The following GLRA2 variants were observed in gnomAD, a reference collection of about 807,000 sequenced individuals.
The protein encoded by GLRA2 is glycine receptor alpha 2.
Under a neutral mutation model 31.6 loss-of-function variants are expected in GLRA2, and 11 were observed. That is an observed-to-expected ratio of 0.35 (90% CI 0.22 to 0.58). The LOEUF is 0.58. Ranked by LOEUF, GLRA2 falls within the 20% of genes least tolerant of loss-of-function variation. The probability of loss-of-function intolerance (pLI) is 0.84; values close to 1 mark genes in which losing one functional copy is unlikely to be tolerated. For synonymous variants in GLRA2, 132 were observed against 134.0 expected (o/e 0.99, Z 0.10); for missense variants, 212 against 351.8 (o/e 0.60, Z 3.18).
chrX:14,567,914 A>G (rs193062797), intron 2 of GLRA2, among the ~76,000 whole-genome samples: 221 of 112,538 alleles, frequency 2.0e-3, no homozygotes, highest in Non-Finnish European at 3.5e-3. Flanking sequence ...AAATAAGTTA[A>G]CCAAACATGT....
the GLRA2 span, among the ~76,000 whole-genome samples, chrX:14,464,620 G>A: frequency 5.4e-5 from 6 of 111,662 alleles, no homozygotes; most frequent in East Asian, 2.8e-4. Flanking sequence ...GCAGTGGTGC[G>A]ATCTCGGCTC....
At chrX:14,632,533 TAATA>T in intron 7 of GLRA2, among the ~76,000 whole-genome samples, 1 of 111,852 alleles carries the variant, frequency 8.9e-6, no homozygotes, top group East Asian at 2.8e-4. Context: ...GTATGTACAG[TAATA>T]AATATTAATA....
intron 7 of GLRA2, among the ~76,000 whole-genome samples, chrX:14,669,974 G>T (rs1423547229): frequency 8.9e-6 from 1 of 112,262 alleles, no homozygotes; most frequent in African/African-American, 3.2e-5. Flanking sequence ...CTTTTATGCT[G>T]TTTCCCTTTT....
the GLRA2 span, among the ~76,000 whole-genome samples, chrX:14,465,987 A>G: frequency 7.1e-4 from 80 of 112,154 alleles, no homozygotes; most frequent in Admixed American, 2.0e-3. Flanking sequence ...AAATGGGCTT[A>G]CGTACTTGTT....
chrX:14,720,088 G>A (rs1259758312), intron 8 of GLRA2, among the ~76,000 whole-genome samples: 2 of 111,381 alleles, frequency 1.8e-5, no homozygotes, highest in Admixed American at 9.6e-5. Context: ...AGATACAGAA[G>A]TACAGCTACA....
chrX:14,613,177 C>T (rs900443918), intron 7 of GLRA2, among the ~76,000 whole-genome samples: 1 of 111,333 alleles, frequency 9.0e-6, no homozygotes, highest in Non-Finnish European at 1.9e-5. Flanking sequence ...TCTACATCGT[C>T]GGTATTCATC....
the GLRA2 span, among the ~76,000 whole-genome samples, chrX:14,474,279 A>G: frequency 9.0e-6 from 1 of 111,511 alleles, no homozygotes; most frequent in African/African-American, 3.3e-5. Flanking sequence ...CACTCTACCC[A>G]GCAGAGATTT....
At chrX:14,657,770 A>G (rs749488223) in intron 7 of GLRA2, among the ~76,000 whole-genome samples, 2 of 112,266 alleles carry the variant, frequency 1.8e-5, no homozygotes, top group East Asian at 5.6e-4. Flanking sequence ...CAAAGGAACA[A>G]TGCTTGATGA....
the GLRA2 span, among the ~76,000 whole-genome samples, chrX:14,507,111 T>G: frequency 8.9e-6 from 1 of 111,950 alleles, no homozygotes; most frequent in East Asian, 2.8e-4. Context: ...CCAACTAGAT[T>G]TTCCTGGTCT....
At chrX:14,510,585 A>G in the GLRA2 span, among the ~76,000 whole-genome samples, 2 of 111,222 alleles carry the variant, frequency 1.8e-5, no homozygotes, top group Non-Finnish European at 3.8e-5. Context: ...ACTGTAGGAC[A>G]TAACTGGAAA....
intron 7 of GLRA2, among the ~76,000 whole-genome samples, chrX:14,683,012 C>T (rs1476989858): frequency 6.2e-4 from 69 of 111,644 alleles, no homozygotes; most frequent in East Asian, 1.1e-3. Flanking sequence ...AATAAACATA[C>T]GTGTGCATGT....
chrX:14,607,291 TTC>T, intron 6 of GLRA2, 23 bp downstream of exon 6: 1 of 1,131,360 alleles, frequency 8.8e-7, no homozygotes, highest in Non-Finnish European at 1.2e-6. Context: ...TTTTTTTTTT[TTC>T]AGCTGTTAAA....
intron 8 of GLRA2, among the ~76,000 whole-genome samples, chrX:14,713,215 A>G (rs2091738156): frequency 8.9e-6 from 1 of 112,122 alleles, no homozygotes; most frequent in South Asian, 3.7e-4. Context: ...TTTTGAGTTT[A>G]GTAGTGGGTT....
At chrX:14,638,068 A>G (rs1185171263) in intron 7 of GLRA2, among the ~76,000 whole-genome samples, 6 of 111,474 alleles carry the variant, frequency 5.4e-5, no homozygotes, top group Non-Finnish European at 9.4e-5. Flanking sequence ...CAGTAATCCA[A>G]TGTCTTTGAA....
At chrX:14,664,955 T>C (rs184107619) in intron 7 of GLRA2, among the ~76,000 whole-genome samples, 3 of 111,641 alleles carry the variant, frequency 2.7e-5, no homozygotes, top group East Asian at 5.6e-4. Flanking sequence ...TACTCAGATA[T>C]GGATCAGTAG....
At chrX:14,652,913 A>G (rs1227369634) in intron 7 of GLRA2, among the ~76,000 whole-genome samples, 2 of 112,102 alleles carry the variant, frequency 1.8e-5, no homozygotes, top group African/African-American at 6.5e-5. Flanking sequence ...AATTCAGAAT[A>G]GGTTGAAAGC....
intron 8 of GLRA2, among the ~76,000 whole-genome samples, chrX:14,716,087 A>G (rs1026711055): frequency 9.0e-5 from 10 of 111,289 alleles, no homozygotes; most frequent in African/African-American, 2.6e-4. Context: ...ACCCTGTCAG[A>G]AGGTCTCAGG....
At chrX:14,664,300 T>A (rs1398749742) in intron 7 of GLRA2, among the ~76,000 whole-genome samples, 1 of 112,047 alleles carries the variant, frequency 8.9e-6, no homozygotes, top group Non-Finnish European at 1.9e-5. Flanking sequence ...ATTTCCTACA[T>A]TTTGTTGTTT....
chrX:14,507,875 G>A, the GLRA2 span, among the ~76,000 whole-genome samples: 1 of 107,616 alleles, frequency 9.3e-6, no homozygotes, highest in African/African-American at 3.4e-5. Context: ...TGTATTTTTA[G>A]AAGAAAGGGG....
Sources: allele counts gnomAD v4.1 joint callset (sites outside exome capture counted in the v4.1 genomes callset), GRCh38; gene constraint gnomAD v4.1.1; transcripts MANE v1.5; gene names NCBI Gene and HGNC (gene_info 2026-07-23, HGNC 2026-07-21).